GRIP1: variants seen among roughly 807,000 people sequenced by gnomAD.
GRIP1 encodes glutamate receptor interacting protein 1, also known as glutamate receptor-interacting protein 1.
In GRIP1, 45 loss-of-function variants were observed where a neutral mutation model predicts 129.9. That is an observed-to-expected ratio of 0.35 (90% CI 0.27 to 0.44). The LOEUF (loss-of-function observed/expected upper bound fraction) is 0.44. Ranked by LOEUF, GRIP1 falls within the 20% of genes least tolerant of loss-of-function variation. The pLI, the probability that GRIP1 is intolerant of heterozygous loss-of-function variation, is 1.00. For synonymous variants in GRIP1, 530 were observed against 520.8 expected (o/e 1.02, Z -0.24); for missense variants, 1,196 against 1,396.8 (o/e 0.86, Z 2.29).
At chr12:67,014,001 TG>T (rs1366202454) in intron 1 of GRIP1, among the ~76,000 whole-genome samples, 2 of 152,178 alleles carry the variant, frequency 1.3e-5, no homozygotes, top group African/African-American at 4.8e-5. Flanking sequence ...CTGTGCAAAC[TG>T]GCTGGCAAGA....
At chr12:66,573,412 T>G (rs901609006) in intron 2 of GRIP1, among the ~76,000 whole-genome samples, 1 of 152,178 alleles carries the variant, frequency 6.6e-6, no homozygotes, top group Non-Finnish European at 1.5e-5. Context: ...CGTGTATTGT[T>G]TTAAGCTGCT....
chr12:66,868,545 T>C (rs1259859500), intron 1 of GRIP1, among the ~76,000 whole-genome samples: 1 of 152,082 alleles, frequency 6.6e-6, no homozygotes, highest in Non-Finnish European at 1.5e-5. Flanking sequence ...AGAGATTTTT[T>C]ACTCCAAAGC....
At chr12:66,939,672 TA>T (rs2041551698) in intron 1 of GRIP1, among the ~76,000 whole-genome samples, 1 of 152,048 alleles carries the variant, frequency 6.6e-6, no homozygotes, top group Admixed American at 6.6e-5. Flanking sequence ...ATCTTTTACT[TA>T]AAAACATTAA....
At chr12:67,066,394 G>A (rs1018220293) in intron 1 of GRIP1, among the ~76,000 whole-genome samples, 2 of 151,958 alleles carry the variant, frequency 1.3e-5, no homozygotes, top group African/African-American at 2.4e-5. Flanking sequence ...ATTAATTTGC[G>A]TTACATCTCA....
rs1211544018 is a variant in GRIP1 at position 66,541,911 on chromosome 12, T to C, written c.176A>G (p.Lys59Arg). 6.2e-7 allele frequency: 1 copy of C among 1,614,038 alleles called. No homozygotes were observed. The change falls in exon 3 of 25, where the codon AAG (lysine) becomes AGG (arginine). Residue 59 changes from lysine to arginine, a missense_variant. This residue lies in a region of GRIP1 where 217 missense variants were observed against 224.8 expected (regional missense o/e 0.97). Coordinates refer to ENST00000359742, the MANE Select transcript of GRIP1 (RefSeq NM_001366722.1). ...KGSTVVELMK[K>R]EGTTLGLTVS... is the part of the protein sequence containing the mutation. Reference sequence around the variant, plus strand: ...CGTCAGACCCAGGGTAGTGCCTTCCTTCTTCATCAGCTCGACGACTGTGGA... The same window carrying C: ...CGTCAGACCCAGGGTAGTGCCTTCCCTCTTCATCAGCTCGACGACTGTGGA...
At chr12:66,450,120 G>T (rs1386309586) in intron 11 of GRIP1, among the ~76,000 whole-genome samples, 1 of 151,700 alleles carries the variant, frequency 6.6e-6, no homozygotes, top group Admixed American at 6.6e-5. Flanking sequence ...CTAACAGCGT[G>T]AAACCCCATC....
intron 6 of GRIP1, 143 bp from the exon 7 acceptor site, chr12:66,515,907 G>A: frequency 1.4e-6 from 1 of 721,622 alleles, no homozygotes; most frequent in South Asian, 1.5e-5. Flanking sequence ...AAATGTGACA[G>A]TAAGAGTATA....
At chr12:66,743,275 G>A (rs1357537243) in intron 1 of GRIP1, among the ~76,000 whole-genome samples, 1 of 151,972 alleles carries the variant, frequency 6.6e-6, no homozygotes. Context: ...AAATATGTTG[G>A]GGTAGAAACA....
chr12:66,847,496 T>G (rs2039838863), intron 1 of GRIP1, among the ~76,000 whole-genome samples: 2 of 152,230 alleles, frequency 1.3e-5, no homozygotes, highest in African/African-American at 4.8e-5. Flanking sequence ...GCTTTAATTT[T>G]ATTTGGCAAA....
chr12:66,454,366 C>T (rs1365046354), intron 11 of GRIP1, among the ~76,000 whole-genome samples: 1 of 152,158 alleles, frequency 6.6e-6, no homozygotes. Context: ...ATGGTGAGCA[C>T]AGGAAGAGAT....
chr12:66,465,443 G>A (rs765708916), intron 7 of GRIP1, 21 bp from the exon 8 acceptor site: 6 of 1,604,196 alleles, frequency 3.7e-6, no homozygotes, highest in Non-Finnish European at 5.1e-6. Flanking sequence ...ACAAATTTTA[G>A]AAAACAAAAC....
chr12:66,515,977 T>C (rs2060833568), intron 6 of GRIP1, among the ~76,000 whole-genome samples: 1 of 152,106 alleles, frequency 6.6e-6, no homozygotes, highest in Admixed American at 6.6e-5. Context: ...AGAAAATAAC[T>C]ACACATTAGC....
chr12:66,392,624 AG>A, intron 18 of GRIP1, 52 bp downstream of exon 18: 1 of 1,599,732 alleles, frequency 6.3e-7, no homozygotes, highest in Non-Finnish European at 8.6e-7. Context: ...CATTCTTTCA[AG>A]GAAGAAAATG....
At position 66,401,609 on chromosome 12, in the gene GRIP1, T is replaced by TATATATATATATATATACAC. The variant is rs1169241331; in HGVS notation, c.1984+4673_1984+4674insGTGTATATATATATATATAT. On this transcript the variant is annotated intron_variant, in intron 16 of 24. Transcript: ENST00000359742. The stretch of plus-strand genomic sequence containing the variant: ...AAAAAAATATGTGTGTATATATATA[T>TATATATATATATATATACAC]ACACACACACACACACACACACACA... 1.5e-4 allele frequency among the ~76,000 whole-genome samples: 17 copies of TATATATATATATATATACAC among 110,188 alleles called. No individual in the cohort carries two copies. The East Asian group carries it at 2.7e-3, about 17-fold the overall frequency. 72.3% of individuals were successfully genotyped at this position (110,188 alleles called of 152,430 possible).
Position 66,785,343 on chromosome 12 carries a change from C to CAAATAT in GRIP1, c.-420+18709_-420+18710insATATTT, listed in dbSNP as rs1555237393. ...ACATACATACATACATACATACATA[C>CAAATAT]ATATATATATATATATATATTAGTT... On this transcript the variant is annotated intron_variant, in intron 1 of 4. Transcript: ENST00000538373. Among the ~76,000 whole-genome samples, 7 of 72,780 alleles carry CAAATAT rather than the reference C, an allele frequency of 9.6e-5. 1 individual carries two copies. The highest frequency in any genetic ancestry group is 3.6e-4 in the African/African-American group (7 of 19,694). The allele number at this position is 72,780 out of a possible 152,430, so 47.7% of individuals were successfully genotyped here. A position where few individuals can be genotyped will look rare whatever the true frequency, so the allele number is the denominator to read the frequency against.
At chr12:66,925,146 ACT>A (rs2041276213) in intron 1 of GRIP1, among the ~76,000 whole-genome samples, 1 of 152,078 alleles carries the variant, frequency 6.6e-6, no homozygotes, top group Admixed American at 6.6e-5. Context: ...ATTCCACAGG[ACT>A]CTGCAGAGAA....
At chr12:66,424,194 C>T (rs184285425) in intron 14 of GRIP1, among the ~76,000 whole-genome samples, 64 of 152,256 alleles carry the variant, frequency 4.2e-4, no homozygotes, top group Admixed American at 3.1e-3. Flanking sequence ...AATTTTATCC[C>T]GGATCACAAG....
chr12:67,058,694 C>A (rs1294110022), intron 1 of GRIP1, among the ~76,000 whole-genome samples: 1 of 152,164 alleles, frequency 6.6e-6, no homozygotes, highest in Non-Finnish European at 1.5e-5. Flanking sequence ...CAGCCTCGAG[C>A]GATGTCATCT....
intron 1 of GRIP1, among the ~76,000 whole-genome samples, chr12:66,618,040 C>T (rs2065119410): frequency 6.6e-6 from 1 of 151,998 alleles, no homozygotes; most frequent in African/African-American, 2.4e-5. Context: ...ATATGTCTTC[C>T]CATGTACATA....
Sources: gnomAD v4.1 joint callset for allele counts (sites outside exome capture counted in the v4.1 genomes callset) on GRCh38, gnomAD v4.1.1 for gene constraint, gnomAD v4.1.1 regional missense constraint, MANE v1.5 for transcripts, NCBI Gene and HGNC (gene_info 2026-07-23, HGNC 2026-07-21) for gene names.